COL11A1: variants seen among roughly 807,000 people sequenced by gnomAD.
The protein encoded by COL11A1 is collagen alpha-1(XI) chain.
A neutral mutation model predicts 265.2 loss-of-function variants in COL11A1; 74 were observed. That is an observed-to-expected ratio of 0.28 (90% CI 0.23 to 0.34). The LOEUF (loss-of-function observed/expected upper bound fraction) is 0.34. Among genes scored for constraint, COL11A1 ranks in the 10% least tolerant of loss-of-function variants. The pLI is 1.00. For missense variants in COL11A1, 2,165 were observed against 2,263.6 expected, an observed-to-expected ratio of 0.96 and a Z score of 0.88; for synonymous variants, 816 against 727.6, an observed-to-expected ratio of 1.12 and a Z score of -1.96.
intron 4 of COL11A1, among the ~76,000 whole-genome samples, chr1:103,054,506 C>T (rs1234847530): frequency 1.3e-5 from 2 of 151,928 alleles, no homozygotes; most frequent in South Asian, 2.1e-4. Flanking sequence ...CCAAATGTGG[C>T]TCCTATGTTA....
chr1:102,930,201 C>T (rs2101146861), intron 46 of COL11A1, among the ~76,000 whole-genome samples: 1 of 151,796 alleles, frequency 6.6e-6, no homozygotes, highest in African/African-American at 2.4e-5. Context: ...CAGTTTTTGC[C>T]CATTCAGTAT....
At chr1:102,902,536 T>C (rs1159911557) in intron 54 of COL11A1, among the ~76,000 whole-genome samples, 16 of 151,938 alleles carry the variant, frequency 1.1e-4, no homozygotes, top group Admixed American at 9.8e-4. Context: ...GATTCAAAAT[T>C]TTTAGAACCT....
chr1:103,002,692 G>T, intron 22 of COL11A1, 55 bp downstream of exon 22: 1 of 1,484,474 alleles, frequency 6.7e-7, no homozygotes, highest in Non-Finnish European at 9.4e-7. Context: ...ACAAAAAATG[G>T]TTTCTTAGGG....
chr1:102,937,668 A>G (rs1658284568), intron 44 of COL11A1, among the ~76,000 whole-genome samples: 1 of 152,140 alleles, frequency 6.6e-6, no homozygotes, highest in South Asian at 2.1e-4. Flanking sequence ...CTCCTTGTTC[A>G]GGCCCGGTTC....
chr1:103,026,172 C>T (rs113651116), intron 6 of COL11A1, 44 bp downstream of exon 6: 146 of 1,389,636 alleles, frequency 1.1e-4, no homozygotes, highest in South Asian at 3.9e-4. Flanking sequence ...CACAGGATGA[C>T]GAACAGCAGG....
At position 102,886,896 on chromosome 1, in the gene COL11A1, A is replaced by G; in HGVS notation, c.4769T>C (p.Ile1590Thr). The change falls in exon 63 of 67, where the codon ATT becomes ACT. Residue 1590 changes from isoleucine (I) to threonine (T), a missense_variant. Physicochemically the swap from Ile to Thr is moderately conservative, Grantham distance 89 (BLOSUM62 -1). Coordinates refer to ENST00000370096, the MANE Select transcript of COL11A1 (RefSeq NM_001854.4). ...ACCCATTGGAAATTTCATATGCTCA[A>G]TGTCTTGTTTCAGGGAATTGAGGGA... ...FGSLNSLKQD[I>T]EHMKFPMGTQ... is the part of the protein sequence containing the mutation. 6.2e-7 allele frequency: 1 copy of G among 1,613,832 alleles called. No homozygotes were observed. The highest frequency in any genetic ancestry group is 8.5e-7 in the Non-Finnish European group (1 of 1,179,830).
intron 54 of COL11A1, among the ~76,000 whole-genome samples, chr1:102,905,243 G>C (rs1202478209): frequency 9.6e-6 from 1 of 104,382 alleles, no homozygotes; most frequent in Non-Finnish European, 1.8e-5. Context: ...GGAGGGGGGA[G>C]GGATAGCATT....
intron 57 of COL11A1, among the ~76,000 whole-genome samples, chr1:102,894,955 G>A (rs1251819038): frequency 6.6e-6 from 1 of 152,020 alleles, no homozygotes; most frequent in African/African-American, 2.4e-5. Context: ...TGTGCTATTT[G>A]TCAATCTTCA....
intron 4 of COL11A1, among the ~76,000 whole-genome samples, chr1:103,045,816 T>A (rs1276747347): frequency 6.8e-6 from 1 of 147,976 alleles, no homozygotes; most frequent in Admixed American, 6.8e-5. Flanking sequence ...CCCCTTCCTG[T>A]GTCCATGTGT....
Position 103,015,722 on chromosome 1 carries a change from G to A in COL11A1, c.1434C>T (p.Gly478=), listed in dbSNP as rs1282795818. Residue 478 remains glycine, a synonymous_variant, in exon 12 of 67, where the codon GGC becomes GGT. Transcript: ENST00000370096. ...CAGGTAGACCATCAGCCCCTGGTAA[G>A]CCAGGACGTCCTGGGGGGCCCTAGA... ...PGDRGPPGRP[G]LPGADGLPGP... is the part of the protein sequence containing the mutation. The A allele has an allele frequency of 6.2e-7, 1 of 1,607,512 alleles. No homozygotes were observed. Among genetic ancestry groups the A allele is most frequent in the Admixed American group, 1.7e-5 (1 of 59,540 alleles).
In COL11A1 at chr1:103,078,669, G is replaced by A. The variant is rs769155547; in HGVS notation, c.477C>T (p.Ile159=). Residue 159 remains isoleucine, a synonymous_variant, in exon 3 of 67, where the codon ATC becomes ATT. Transcript: ENST00000370096. The stretch of plus-strand genomic sequence containing the variant: ...ATTTTGTTACTTACTTCCCGTCAGC[G>A]ATGTTAACAGTTCTGAAGAGGGGAT... ...EDYPLFRTVN[I]ADGKWHRVAI... is the part of the protein sequence containing the mutation. The A allele has an allele frequency of 3.0e-5, 48 of 1,612,948 alleles. No homozygotes were observed. Among genetic ancestry groups the A allele is most frequent in the South Asian group, 4.4e-5 (4 of 91,076 alleles).
At chr1:103,042,506 C>T (rs913775853) in intron 4 of COL11A1, among the ~76,000 whole-genome samples, 2 of 151,876 alleles carry the variant, frequency 1.3e-5, no homozygotes, top group South Asian at 2.1e-4. Context: ...GAATCTGACC[C>T]CTAAAGTCTG....
chr1:102,909,671 G>A (rs1654414649), intron 54 of COL11A1, among the ~76,000 whole-genome samples: 1 of 151,966 alleles, frequency 6.6e-6, no homozygotes, highest in Admixed American at 6.6e-5. Context: ...GTCCAACTCA[G>A]ATGTAAATGA....
At chr1:102,937,705 G>C (rs1451817587) in intron 44 of COL11A1, among the ~76,000 whole-genome samples, 1 of 152,160 alleles carries the variant, frequency 6.6e-6, no homozygotes, top group East Asian at 1.9e-4. Context: ...GCCATGTTTT[G>C]ACACAGAACA....
intron 15 of COL11A1, among the ~76,000 whole-genome samples, chr1:103,006,526 A>T (rs1243746868): frequency 8.2e-4 from 68 of 82,874 alleles, no homozygotes; most frequent in South Asian, 1.1e-3. Flanking sequence ...AAATGGCTCC[A>T]TTTTTTTTTT....
intron 4 of COL11A1, among the ~76,000 whole-genome samples, chr1:103,047,450 T>C (rs1669386195): frequency 6.6e-6 from 1 of 152,200 alleles, no homozygotes; most frequent in Non-Finnish European, 1.5e-5. Context: ...TGCACATTGA[T>C]TTTGTATCCT....
intron 57 of COL11A1, among the ~76,000 whole-genome samples, chr1:102,894,838 TG>T (rs1652215756): frequency 6.6e-6 from 1 of 152,076 alleles, no homozygotes; most frequent in South Asian, 2.1e-4. Context: ...TGCAATGGTG[TG>T]ATCTTGGCTT....
chr1:102,987,728 G>C lies in COL11A1; in HGVS notation c.2407C>G (p.Gln803Glu). 6.2e-7 allele frequency: 1 copy of C among 1,613,226 alleles called. No homozygotes were observed. Among genetic ancestry groups the C allele is most frequent in the Non-Finnish European group, 8.5e-7 (1 of 1,179,524 alleles). ...CCATCTTCCCCTCTTGGGCCAATTT[G>C]ACCAACTTCTCCCTGAGGCACAGAA... The part of the protein sequence containing the change: ...GLKGDRGEVG[Q>E]IGPRGEDGPE... Residue 803 changes from glutamine to glutamate, a missense_variant, in exon 30 of 67, where the codon CAA (glutamine) becomes GAA (glutamate). Coordinates refer to ENST00000370096, the MANE Select transcript of COL11A1 (RefSeq NM_001854.4).
intron 38 of COL11A1, among the ~76,000 whole-genome samples, chr1:102,962,993 A>G (rs564940556): frequency 3.3e-5 from 5 of 152,336 alleles, no homozygotes; most frequent in East Asian, 3.9e-4. Flanking sequence ...GTACATAAAT[A>G]AAGTCCAAAA....
Sources: allele counts gnomAD v4.1 joint callset (sites outside exome capture counted in the v4.1 genomes callset), GRCh38; gene constraint gnomAD v4.1.1; transcripts MANE v1.5; gene names NCBI Gene and HGNC (gene_info 2026-07-23, HGNC 2026-07-21).